Variants in TAF4 observed in about 807,000 individuals in gnomAD.
TAF4 encodes TATA-box binding protein associated factor 4.
TAF4 carries 9 observed loss-of-function variants against 90.3 expected under a neutral mutation model. That is an observed-to-expected ratio of 0.10 (90% CI 0.06 to 0.17). The LOEUF (loss-of-function observed/expected upper bound fraction) is 0.17, where lower values mean the gene tolerates loss of function less well. Ranked by LOEUF, TAF4 falls within the 10% of genes least tolerant of loss-of-function variation. The pLI, the probability that TAF4 is intolerant of heterozygous loss-of-function variation, is 1.00. For missense variants in TAF4, 1,351 were observed against 1,370.7 expected (o/e 0.99, Z 0.23); for synonymous variants, 818 against 638.9 (o/e 1.28, Z -4.23).
rs2055490782 is a variant in TAF4 at position 61,975,819 on chromosome 20, G to GT, written c.*348_*349insA. 2 of 265,814 alleles carry GT rather than the reference G, an allele frequency of 7.5e-6. No homozygotes were observed. Among genetic ancestry groups the GT allele is most frequent in the Non-Finnish European group, 1.4e-5 (2 of 138,014 alleles). 16.5% of individuals were successfully genotyped at this position (265,814 alleles called of 1,614,324 possible). A position where few individuals can be genotyped will look rare whatever the true frequency, so the allele number is the denominator to read the frequency against. On this transcript the variant is annotated 3_prime_UTR_variant, in exon 15 of 15. Coordinates refer to ENST00000252996, the MANE Select transcript of TAF4 (RefSeq NM_003185.4). ...ATACACCTACATAGTAAGTTAGGTAGAACTAAACCAAAATGCACAAATAAT... is the reference window on the plus strand; with the variant it reads ...ATACACCTACATAGTAAGTTAGGTAGTAACTAAACCAAAATGCACAAATAAT...
Position 62,062,453 on chromosome 20 carries a change from C to T in TAF4, c.1360+1998G>A, listed in dbSNP as rs28382004. ...GAAACAAATAACATAATCAAAATTC[C>T]TCATCAGTAGATCAACTGCAGGAGG... is the stretch of plus-strand genomic sequence containing the variant. On this transcript the variant is annotated intron_variant, in intron 1 of 14. Transcript: ENST00000252996. Among the ~76,000 whole-genome samples, 29 of 151,850 alleles carry T rather than the reference C, an allele frequency of 1.9e-4. No individual in the cohort carries two copies. In the East Asian group the frequency reaches 5.6e-3, roughly 29 times the overall value.
rs1453869210 is a variant in TAF4 at position 62,010,056 on chromosome 20, G to A, written c.1751C>T (p.Ser584Leu). ...AGGAGTGGCTCTTACCGTGGCAGCT[G>A]AGGAAGTGGTGGTCGCCCCTGGTAC... Reference protein sequence around the residue: ...RTVPGATTTSSAATETMENVK... With the variant: ...RTVPGATTTSLAATETMENVK... The change falls in exon 4 of 15, where the codon TCA (serine) becomes TTA (leucine). Residue 584 changes from serine (S) to leucine (L), a missense_variant. This residue lies in a region of TAF4 where 44 missense variants were observed against 97.4 expected (regional missense o/e 0.45). Coordinates refer to ENST00000252996, the MANE Select transcript of TAF4 (RefSeq NM_003185.4). The surrounding 1 kb of genome is among the most constrained non-coding windows in gnomAD (Gnocchi z 4.5). 1 of 1,613,380 alleles carries A rather than the reference G, an allele frequency of 6.2e-7. No homozygotes were observed. Among genetic ancestry groups the A allele is most frequent in the Non-Finnish European group, 8.5e-7 (1 of 1,179,980 alleles).
chr20:61,979,676 C>T (rs550556973), intron 14 of TAF4, among the ~76,000 whole-genome samples: 8 of 146,662 alleles, frequency 5.5e-5, no homozygotes, highest in African/African-American at 1.3e-4. Context: ...AGAGGGACTG[C>T]GGCCCGTGCA....
chr20:62,064,933 G>A lies in TAF4; in HGVS notation c.878C>T (p.Ala293Val), dbSNP rs1292813111. 9 of 582,978 alleles carry A rather than the reference G, an allele frequency of 1.5e-5. No individual in the cohort carries two copies. The highest frequency in any genetic ancestry group is 1.9e-5 in the Non-Finnish European group (9 of 469,512). 36.1% of individuals were successfully genotyped at this position (582,978 alleles called of 1,614,324 possible). Residue 293 changes from alanine to valine, a missense_variant, in exon 1 of 15, where the codon GCC (alanine) becomes GTC (valine). Ala to Val is a moderately conservative substitution (Grantham distance 64, BLOSUM62 0). Transcript: ENST00000252996. ...GGCGGGGGGCGGCACGGCGGGCGCGGCGGTCGGGGGTCCGGCGGGGTGGCC... is the reference window on the plus strand; with the variant it reads ...GGCGGGGGGCGGCACGGCGGGCGCGACGGTCGGGGGTCCGGCGGGGTGGCC... Reference protein sequence around the residue: ...PPGHPAGPPTAAPAVPPPAAA... With the variant: ...PPGHPAGPPTVAPAVPPPAAA...
intron 1 of TAF4, among the ~76,000 whole-genome samples, chr20:62,031,274 G>T (rs969991051): frequency 6.6e-6 from 1 of 152,142 alleles, no homozygotes; most frequent in African/African-American, 2.4e-5. Flanking sequence ...CCAAGCCCTC[G>T]TCCTCCAGGC....
chr20:62,017,557 G>A (rs1436868059), intron 1 of TAF4, among the ~76,000 whole-genome samples: 3 of 152,184 alleles, frequency 2.0e-5, no homozygotes, highest in Non-Finnish European at 4.4e-5. Context: ...TGAGGCAGGA[G>A]AATGGCATTA....
At chr20:61,995,304 G>A (rs1361682514) in intron 14 of TAF4, among the ~76,000 whole-genome samples, 4 of 152,110 alleles carry the variant, frequency 2.6e-5, no homozygotes, top group African/African-American at 9.7e-5. Flanking sequence ...AAAGAATTAG[G>A]GGAAATATAA....
At chr20:62,031,357 G>A (rs2055903404) in intron 1 of TAF4, among the ~76,000 whole-genome samples, 1 of 152,194 alleles carries the variant, frequency 6.6e-6, no homozygotes, top group South Asian at 2.1e-4. Flanking sequence ...TGAGCATGCT[G>A]GCTGGGCCCA....
chr20:62,010,149 C>T lies in TAF4; in HGVS notation c.1658G>A (p.Gly553Asp). 1 of 1,613,914 alleles carries T rather than the reference C, an allele frequency of 6.2e-7. No individual in the cohort carries two copies. The highest frequency in any genetic ancestry group is 8.5e-7 in the Non-Finnish European group (1 of 1,180,028). The change falls in exon 4 of 15, where the codon GGT (glycine) becomes GAT (aspartate). Residue 553 changes from glycine (G) to aspartate (D), a missense_variant. Transcript: ENST00000252996. This position sits in a 1 kb window ranked among gnomAD's most constrained non-coding sequence, Gnocchi z 4.5. ...AAGTGAAGCCGTCTGGGCAGCGCCACCCAGAACGAGCTGAGGCTACAAGAA... is the reference window on the plus strand; with the variant it reads ...AAGTGAAGCCGTCTGGGCAGCGCCATCCAGAACGAGCTGAGGCTACAAGAA... ...SPGVQPQLVL[G>D]GAAQTASLGT...
At chr20:62,012,088 G>C (rs1288208916) in intron 3 of TAF4, 2 of 152,330 alleles carry the variant, frequency 1.3e-5, no homozygotes, top group Non-Finnish European at 2.9e-5. Flanking sequence ...AGCACCACTA[G>C]GAGAGGGGCC....
chr20:61,991,032 C>A (rs1034266335), intron 14 of TAF4, among the ~76,000 whole-genome samples: 1 of 152,046 alleles, frequency 6.6e-6, no homozygotes, highest in Non-Finnish European at 1.5e-5. Flanking sequence ...CAGAAGACCT[C>A]AGAAACACAT....
chr20:61,997,019 G>C (rs1023951414), intron 14 of TAF4, among the ~76,000 whole-genome samples: 1 of 152,078 alleles, frequency 6.6e-6, no homozygotes, highest in South Asian at 2.1e-4. Flanking sequence ...CTTTCTTCCT[G>C]TAATTTACTT....
intron 1 of TAF4, among the ~76,000 whole-genome samples, chr20:62,048,279 C>T (rs1310613737): frequency 1.3e-5 from 2 of 152,166 alleles, no homozygotes; most frequent in African/African-American, 4.8e-5. Flanking sequence ...AACCAAGAGG[C>T]AGCCCAGCCC....
At chr20:62,003,648 C>A (rs375305320) in intron 8 of TAF4, 83 bp downstream of exon 8, 1 of 1,437,222 alleles carries the variant, frequency 7.0e-7, no homozygotes, top group East Asian at 2.5e-5. Flanking sequence ...GTACATTTTA[C>A]CCAATTAAAT....
At chr20:62,018,134 GC>G (rs1343507370) in intron 1 of TAF4, among the ~76,000 whole-genome samples, 1 of 152,208 alleles carries the variant, frequency 6.6e-6, no homozygotes, top group Admixed American at 6.5e-5. Context: ...TGTGAACCAA[GC>G]GCGAGTGGCC....
chr20:62,056,011 C>A (rs6061995), intron 1 of TAF4, among the ~76,000 whole-genome samples: 1 of 152,070 alleles, frequency 6.6e-6, no homozygotes, highest in Non-Finnish European at 1.5e-5. Flanking sequence ...CAGAGGCAGG[C>A]GGAGCACTTG....
At chr20:61,997,712 GT>G in intron 13 of TAF4, 43 bp from the exon 14 acceptor site, 27 of 1,579,680 alleles carry the variant, frequency 1.7e-5, no homozygotes, top group Non-Finnish European at 2.2e-5. Context: ...TTTCTTGCAT[GT>G]TTTTTACTTA....
intron 1 of TAF4, among the ~76,000 whole-genome samples, chr20:62,024,065 G>A (rs4369942): frequency 0.096 from 14,534 of 152,130 alleles, 1,180 homozygotes; most frequent in East Asian, 0.44. Flanking sequence ...GTGACACAGT[G>A]AGATCCCCGT....
At chr20:62,019,373 CA>C (rs1441032311) in intron 1 of TAF4, among the ~76,000 whole-genome samples, 1 of 152,240 alleles carries the variant, frequency 6.6e-6, no homozygotes, top group Non-Finnish European at 1.5e-5. Context: ...AAACATTCTT[CA>C]GAAACGTAAC....
Sources: allele counts gnomAD v4.1 joint callset (sites outside exome capture counted in the v4.1 genomes callset), GRCh38; gene constraint gnomAD v4.1.1; regional missense constraint gnomAD v4.1.1; non-coding constraint Gnocchi (gnomAD v3.1); transcripts MANE v1.5; gene names NCBI Gene and HGNC (gene_info 2026-07-23, HGNC 2026-07-21).